The following COBL variants were observed in gnomAD, a reference collection of about 807,000 sequenced individuals.
COBL encodes the protein protein cordon-bleu.
In COBL, 51 loss-of-function variants were observed where a neutral mutation model predicts 98.8. The ratio of observed to expected loss-of-function variants is 0.52; its 90% CI spans 0.41 to 0.65. The LOEUF (loss-of-function observed/expected upper bound fraction) is 0.65. Among genes scored for constraint, COBL ranks in the 30% least tolerant of loss-of-function variants. The probability of loss-of-function intolerance (pLI) is 0.00; values close to 1 mark genes in which losing one functional copy is unlikely to be tolerated. For missense variants in COBL, 1,617 were observed against 1,617.5 expected, an observed-to-expected ratio of 1.00 and a Z score of 0.01; for synonymous variants, 634 against 651.7, an observed-to-expected ratio of 0.97 and a Z score of 0.41.
intron 7 of COBL, among the ~76,000 whole-genome samples, chr7:51,079,018 C>T (rs1793369562): frequency 6.6e-6 from 1 of 152,214 alleles, no homozygotes; most frequent in African/African-American, 2.4e-5. Flanking sequence ...CATCCCACTA[C>T]CTTTGCCATA....
intron 7 of COBL, among the ~76,000 whole-genome samples, chr7:51,081,010 G>A (rs1417048368): frequency 1.3e-5 from 2 of 152,214 alleles, no homozygotes; most frequent in African/African-American, 2.4e-5. Flanking sequence ...ATAAACAATG[G>A]GCAGGCTGGT....
chr7:51,054,659 A>G (rs1337438203), intron 7 of COBL, among the ~76,000 whole-genome samples: 2 of 152,086 alleles, frequency 1.3e-5, no homozygotes, highest in Non-Finnish European at 2.9e-5. Flanking sequence ...GATGACTAAG[A>G]CCAGCCCCAG....
At chr7:51,048,540 C>T (rs1397281833) in intron 7 of COBL, among the ~76,000 whole-genome samples, 1 of 152,064 alleles carries the variant, frequency 6.6e-6, no homozygotes, top group East Asian at 1.9e-4. Context: ...CTTTAACAGG[C>T]AGAATTTTAG....
chr7:51,228,785 C>G (rs1359780223), intron 1 of COBL, among the ~76,000 whole-genome samples: 1 of 152,128 alleles, frequency 6.6e-6, no homozygotes, highest in Admixed American at 6.5e-5. Flanking sequence ...AAGAGCCTGT[C>G]GGTGAGGATC....
chr7:51,308,580 C>T (rs966297295), intron 1 of COBL, among the ~76,000 whole-genome samples: 3 of 152,182 alleles, frequency 2.0e-5, no homozygotes, highest in Non-Finnish European at 2.9e-5. Context: ...CCTTAAGCCA[C>T]GCAGAGCACT....
chr7:51,305,168 C>T (rs1261969684), intron 1 of COBL, among the ~76,000 whole-genome samples: 2 of 152,256 alleles, frequency 1.3e-5, no homozygotes, highest in East Asian at 3.9e-4. Flanking sequence ...CTTTTCATGA[C>T]AATAAATATT....
chr7:51,135,528 G>A (rs1370115724), intron 6 of COBL, among the ~76,000 whole-genome samples: 5 of 152,060 alleles, frequency 3.3e-5, no homozygotes, highest in Admixed American at 2.0e-4. Flanking sequence ...TCAGGACCCC[G>A]CCATTTGGTA....
intron 1 of COBL, among the ~76,000 whole-genome samples, chr7:51,231,415 C>G (rs1416322284): frequency 6.6e-6 from 1 of 152,206 alleles, no homozygotes; most frequent in East Asian, 1.9e-4. Flanking sequence ...TCTCCATCCT[C>G]TACCAAACCA....
Position 51,027,714 on chromosome 7 carries a change from T to C in COBL, c.3382A>G (p.Lys1128Glu), listed in dbSNP as rs1297239316. 1 of 1,611,008 alleles carries C rather than the reference T, an allele frequency of 6.2e-7. No homozygotes were observed. The highest frequency in any genetic ancestry group is 8.5e-7 in the Non-Finnish European group (1 of 1,178,182). ...HSAGGKDRLR[K>E]TAEHTGEGRP... Reference sequence around the variant, plus strand: ...GCCCCGGAAGCCGCCATCCTCACCTTGCGTAGTCTGTCCTTCCCTCCCGCA... The same window carrying C: ...GCCCCGGAAGCCGCCATCCTCACCTCGCGTAGTCTGTCCTTCCCTCCCGCA... Residue 1128 changes from lysine (K) to glutamate (E), a missense_variant and splice_region_variant, in exon 10 of 13, where the codon AAG becomes GAG. Coordinates refer to ENST00000265136, the MANE Select transcript of COBL (RefSeq NM_015198.5).
intron 9 of COBL, 57 bp downstream of exon 9, chr7:51,030,753 CTG>C: frequency 9.4e-7 from 1 of 1,066,440 alleles, no homozygotes. Context: ...GAGGAAGTTA[CTG>C]TTGGCACCTA....
At chr7:51,239,903 C>T (rs1795615860) in intron 1 of COBL, among the ~76,000 whole-genome samples, 1 of 152,156 alleles carries the variant, frequency 6.6e-6, no homozygotes, top group Non-Finnish European at 1.5e-5. Context: ...ACATTTTAGG[C>T]TTTGTGGGCC....
At chr7:51,278,928 A>G (rs1252533586) in intron 1 of COBL, among the ~76,000 whole-genome samples, 1 of 152,272 alleles carries the variant, frequency 6.6e-6, no homozygotes, top group Non-Finnish European at 1.5e-5. Context: ...CACAATGCAC[A>G]TTGTGACTAA....
intron 1 of COBL, among the ~76,000 whole-genome samples, chr7:51,256,603 C>T (rs561042076): frequency 2.8e-4 from 42 of 152,354 alleles, no homozygotes; most frequent in African/African-American, 1.0e-3. Context: ...TCCACTCAAT[C>T]GCCCTAGTAG....
chr7:51,143,605 G>A (rs1382200728), intron 5 of COBL, among the ~76,000 whole-genome samples: 1 of 152,176 alleles, frequency 6.6e-6, no homozygotes, highest in Admixed American at 6.5e-5. Context: ...CATGGGGCAG[G>A]TCTGGGTGCC....
intron 5 of COBL, among the ~76,000 whole-genome samples, chr7:51,154,304 C>T (rs1290631524): frequency 6.6e-6 from 1 of 152,194 alleles, no homozygotes; most frequent in Non-Finnish European, 1.5e-5. Flanking sequence ...TAAGAACAGG[C>T]ACAGACCAAT....
chr7:51,026,097 T>C (rs1425812593), intron 11 of COBL, among the ~76,000 whole-genome samples: 2 of 152,216 alleles, frequency 1.3e-5, no homozygotes, highest in African/African-American at 4.8e-5. Context: ...GCATGGAAAC[T>C]AAGATGAGAC....
chr7:51,061,365 T>C (rs1157048442), intron 7 of COBL, among the ~76,000 whole-genome samples: 1 of 152,104 alleles, frequency 6.6e-6, no homozygotes, highest in Non-Finnish European at 1.5e-5. Context: ...TCATAGTATT[T>C]TAAGTTACAG....
At chr7:51,113,327 A>C (rs1797000834) in intron 6 of COBL, among the ~76,000 whole-genome samples, 1 of 152,216 alleles carries the variant, frequency 6.6e-6, no homozygotes. Flanking sequence ...TGTTCTATCA[A>C]CTGTTAGAAC....
Position 51,316,672 on chromosome 7 carries a change from G to T in COBL, c.-39C>A, listed in dbSNP as rs930347411. The T allele has an allele frequency of 1.3e-5, 15 of 1,185,448 alleles. No homozygotes were observed. In the African/African-American group the frequency reaches 2.1e-4, roughly 16 times the overall value. The allele number at this position is 1,185,448 out of a possible 1,614,324, so 73.4% of individuals were successfully genotyped here. On this transcript the variant is annotated 5_prime_UTR_variant, in exon 1 of 13. Coordinates refer to ENST00000265136, the MANE Select transcript of COBL (RefSeq NM_015198.5). ...GGGACGCGGGCGGTGCTCCGGGCCC[G>T]CCGAGTCAGGCGCTGGCTACCGCCG...
Sources: gnomAD v4.1 joint callset for allele counts (sites outside exome capture counted in the v4.1 genomes callset) on GRCh38, gnomAD v4.1.1 for gene constraint, MANE v1.5 for transcripts, NCBI Gene and HGNC (gene_info 2026-07-23, HGNC 2026-07-21) for gene names.